Variants in WDR12 observed in about 807,000 individuals in gnomAD.
WDR12 encodes ribosome biogenesis protein WDR12.
In WDR12, 42 loss-of-function variants were observed where a neutral mutation model predicts 64.3. The ratio of observed to expected loss-of-function variants is 0.65; its 90% confidence interval spans 0.51 to 0.84. The LOEUF (loss-of-function observed/expected upper bound fraction) is 0.84. Ranked by LOEUF, WDR12 falls within the 40% of genes least tolerant of loss-of-function variation. The pLI, the probability that WDR12 is intolerant of heterozygous loss-of-function variation, is 0.00. For synonymous variants in WDR12, 158 were observed against 173.3 expected (o/e 0.91, Z 0.70); for missense variants, 469 against 494.6 (o/e 0.95, Z 0.49).
Position 202,874,865 on chromosome 2 carries a change from TATG to T in WDR12, c.*5992_*5994del, listed in dbSNP as rs1299737562. 6.6e-6 allele frequency: 1 copy of T among 152,332 alleles called. No individual in the cohort carries two copies. Among genetic ancestry groups the T allele is most frequent in the East Asian group, 1.9e-4 (1 of 5,190 alleles). The allele number at this position is 152,332 out of a possible 1,614,324, so 9.4% of individuals were successfully genotyped here. On this transcript the variant is annotated 3_prime_UTR_variant, in exon 13 of 13. Coordinates refer to ENST00000261015, the MANE Select transcript of WDR12 (RefSeq NM_018256.4). ...GACACAATTCTAGAATTAGAATTATTATGATGATTTTAAATGTGAAGTGTTATC... is the reference window on the plus strand; with the variant it reads ...GACACAATTCTAGAATTAGAATTATTATGATTTTAAATGTGAAGTGTTATC...
intron 8 of WDR12, among the ~76,000 whole-genome samples, chr2:202,889,893 C>CA (rs768006941): frequency 3.3e-5 from 4 of 120,806 alleles, no homozygotes. Flanking sequence ...CCACTCCTCT[C>CA]AAAAGGGGGG....
chr2:202,907,423 C>T (rs1688477733), intron 2 of WDR12, among the ~76,000 whole-genome samples: 4 of 151,960 alleles, frequency 2.6e-5, no homozygotes, highest in Admixed American at 2.6e-4. Context: ...AAATAAAATA[C>T]TGGTATTCAT....
intron 1 of WDR12, among the ~76,000 whole-genome samples, chr2:202,908,290 A>G (rs1688499072): frequency 1.3e-5 from 2 of 152,218 alleles, no homozygotes. Flanking sequence ...CTGTTAAGCA[A>G]CATTTAGAAA....
In WDR12 at chr2:202,875,846, TCCTG is replaced by T. The variant is rs1230135243; in HGVS notation, c.*5010_*5013del. ...AAGTTCAAATTCACTGCCATTTATT[TCCTG>T]CCTGTGTGACTGTTCAAAAACTTTA... is the stretch of plus-strand genomic sequence containing the variant. On this transcript the variant is annotated 3_prime_UTR_variant, in exon 13 of 13. Coordinates refer to ENST00000261015, the MANE Select transcript of WDR12 (RefSeq NM_018256.4). 2 of 152,260 alleles carry T rather than the reference TCCTG, an allele frequency of 1.3e-5. No individual in the cohort carries two copies. The highest frequency in any genetic ancestry group is 4.8e-5 in the African/African-American group (2 of 41,474). 9.4% of individuals were successfully genotyped at this position (152,260 alleles called of 1,614,324 possible).
In WDR12 at chr2:202,899,544, C is replaced by G; in HGVS notation, c.325G>C (p.Gly109Arg). Residue 109 changes from glycine to arginine, a missense_variant, in exon 4 of 13, where the codon GGG (glycine) becomes CGG (arginine). Gly to Arg is a moderately radical substitution (Grantham distance 125, BLOSUM62 -2). Coordinates refer to ENST00000261015, the MANE Select transcript of WDR12 (RefSeq NM_018256.4). ...ATCTGGCAATACCATTCCTCTGCCCCTTTAATTGAACTGATCCAGTCATCA... is the reference window on the plus strand; with the variant it reads ...ATCTGGCAATACCATTCCTCTGCCCGTTTAATTGAACTGATCCAGTCATCA... Reference protein sequence around the residue: ...FHDDWISSIKGAEEWILTGSY... With the variant: ...FHDDWISSIKRAEEWILTGSY... 1.9e-6 allele frequency: 3 copies of G among 1,613,786 alleles called. No homozygotes were observed. Among genetic ancestry groups the G allele is most frequent in the Non-Finnish European group, 2.5e-6 (3 of 1,179,820 alleles).
chr2:202,874,938 T>G lies in WDR12; in HGVS notation c.*5922A>C, dbSNP rs1687831440. ...TTTCCTCCCCCTGAAACCACTGAACTTCATCTGGTATTAAGTCTCAGCCAT... is the reference window on the plus strand; with the variant it reads ...TTTCCTCCCCCTGAAACCACTGAACGTCATCTGGTATTAAGTCTCAGCCAT... On this transcript the variant is annotated 3_prime_UTR_variant, in exon 13 of 13. Transcript: ENST00000261015. The G allele has an allele frequency of 6.6e-6, 1 of 152,240 alleles. No individual in the cohort carries two copies. Among genetic ancestry groups the G allele is most frequent in the South Asian group, 2.1e-4 (1 of 4,836 alleles). The allele number at this position is 152,240 out of a possible 1,614,324, so 9.4% of individuals were successfully genotyped here.
At chr2:202,882,923 T>TA (rs1360905241) in intron 11 of WDR12, 140 bp from the exon 12 acceptor site, 1 of 619,684 alleles carries the variant, frequency 1.6e-6, no homozygotes, top group African/African-American at 1.9e-5. Flanking sequence ...AAATTCTGTT[T>TA]ATTTGATCAT....
At position 202,907,975 on chromosome 2, in the gene WDR12, G is replaced by T; in HGVS notation, c.42-16C>A. On this transcript the variant is annotated splice_polypyrimidine_tract_variant and intron_variant, in intron 1 of 12. Transcript: ENST00000261015. The stretch of plus-strand genomic sequence containing the variant: ...TACGGCATATCTATAAAAAGGAAAT[G>T]ATATGTCAAGATCAAGTCTACAGAT... 6.3e-7 allele frequency: 1 copy of T among 1,597,522 alleles called. No individual in the cohort carries two copies. The highest frequency in any genetic ancestry group is 8.6e-7 in the Non-Finnish European group (1 of 1,165,208).
intron 7 of WDR12, among the ~76,000 whole-genome samples, chr2:202,893,525 C>T (rs563028792): frequency 2.0e-5 from 3 of 152,210 alleles, no homozygotes; most frequent in South Asian, 2.1e-4. Flanking sequence ...TCTACTAAAA[C>T]GGATTATATA....
At chr2:202,898,213 C>T (rs1353345223) in intron 4 of WDR12, among the ~76,000 whole-genome samples, 1 of 151,874 alleles carries the variant, frequency 6.6e-6, no homozygotes, top group African/African-American at 2.4e-5. Context: ...GGCAGTGGCG[C>T]GATCTCAGCT....
rs752107401 is a variant in WDR12, at chr2:202,883,725, C to T, written c.1005G>A (p.Ser335=). 8.7e-6 allele frequency: 14 copies of T among 1,613,734 alleles called. 1 individual carries two copies. The highest frequency in any genetic ancestry group is 6.6e-5 in the South Asian group (6 of 91,062). ...DPRTKDGSLV[S]LSLTSHTGWV... ...AACCAGTATGTGACGTTAGGGACAG[C>T]GACACCAAAGAACCATCTGAACAAA... Residue 335 remains serine (S), a synonymous_variant, in exon 11 of 13, where the codon TCG becomes TCA. Coordinates refer to ENST00000261015, the MANE Select transcript of WDR12 (RefSeq NM_018256.4).
At chr2:202,882,540 G>C (rs1418997842) in intron 12 of WDR12, among the ~76,000 whole-genome samples, 171 bp downstream of exon 12, 1 of 152,108 alleles carries the variant, frequency 6.6e-6, no homozygotes, top group Non-Finnish European at 1.5e-5. Flanking sequence ...TTGTTAGTCA[G>C]GATGGCCTCG....
intron 5 of WDR12, among the ~76,000 whole-genome samples, 178 bp from the exon 6 acceptor site, chr2:202,896,397 T>C (rs1220861270): frequency 3.9e-5 from 6 of 152,180 alleles, no homozygotes; most frequent in African/African-American, 4.8e-5. Flanking sequence ...TCTTCAAAAA[T>C]AGATGACGAT....
At chr2:202,904,387 T>C (rs1002335072) in intron 2 of WDR12, among the ~76,000 whole-genome samples, 5 of 150,516 alleles carry the variant, frequency 3.3e-5, no homozygotes, top group African/African-American at 1.2e-4. Context: ...TAGCCAAAGC[T>C]ACCTTAAGCA....
chr2:202,901,210 T>C, intron 2 of WDR12, 91 bp from the exon 3 acceptor site: 2 of 785,732 alleles, frequency 2.5e-6, no homozygotes, highest in Admixed American at 2.8e-5. Flanking sequence ...AACAGGTACC[T>C]ATTATCCCAG....
Position 202,911,568 on chromosome 2 carries a change from G to T in WDR12, c.-92C>A. The T allele has an allele frequency of 1.6e-6, 2 of 1,239,188 alleles. No individual in the cohort carries two copies. Among genetic ancestry groups the T allele is most frequent in the Non-Finnish European group, 2.4e-6 (2 of 840,212 alleles). The allele number at this position is 1,239,188 out of a possible 1,614,324, so 76.8% of individuals were successfully genotyped here. A position where few individuals can be genotyped will look rare whatever the true frequency, so the allele number is the denominator to read the frequency against. On this transcript the variant is annotated 5_prime_UTR_variant, in exon 1 of 13. In the 5' UTR this introduces an upstream ATG that the reference lacks. Transcript: ENST00000261015. ...TGCCTTTTAAGACTACAAAGAGGCA[G>T]CTCAAAATTAGACTGCACAGGTAAG...
At chr2:202,899,178 G>C (rs974695833) in intron 4 of WDR12, among the ~76,000 whole-genome samples, 3 of 151,374 alleles carry the variant, frequency 2.0e-5, no homozygotes, top group Admixed American at 6.6e-5. Context: ...AAGTAGCGGG[G>C]ACTACAGGCG....
chr2:202,898,979 C>T (rs1688299952), intron 4 of WDR12, among the ~76,000 whole-genome samples: 1 of 138,900 alleles, frequency 7.2e-6, no homozygotes, highest in Admixed American at 7.3e-5. Context: ...ATAATTGTTA[C>T]TACCACATAT....
chr2:202,884,807 C>T (rs1057426198), intron 8 of WDR12, among the ~76,000 whole-genome samples: 5 of 152,218 alleles, frequency 3.3e-5, no homozygotes, highest in African/African-American at 1.2e-4. Context: ...TGTAGTCTTT[C>T]CACTATATTC....
Sources: gnomAD v4.1 joint callset for allele counts (sites outside exome capture counted in the v4.1 genomes callset) on GRCh38, gnomAD v4.1.1 for gene constraint, MANE v1.5 for transcripts, NCBI Gene and HGNC (gene_info 2026-07-23, HGNC 2026-07-21) for gene names.